The following BID variants were observed in gnomAD, a reference collection of about 807,000 sequenced individuals.
BID encodes BH3-interacting domain death agonist.
A neutral mutation model predicts 17.4 loss-of-function variants in BID; 19 were observed. That is an observed-to-expected ratio of 1.09 (90% CI 0.76 to 1.60). The LOEUF is 1.60. BID is among the 40% of genes most tolerant of loss of function. BID has a pLI of 0.00. For synonymous variants in BID, 108 were observed against 102.8 expected (o/e 1.05, Z -0.31); for missense variants, 226 against 256.0 (o/e 0.88, Z 0.80).
chr22:17,739,220 G>A lies in BID; in HGVS notation c.363+129C>T, dbSNP rs8190332. ...ACCATACCCTACGTCCAGTTACTTC[G>A]TCAGAGTTCTGGACCTGACAGTCAC... is the stretch of plus-strand genomic sequence containing the variant. On this transcript the variant is annotated intron_variant, in intron 4 of 5. Coordinates refer to ENST00000622694, the MANE Select transcript of BID (RefSeq NM_001196.4). 1.6e-3 allele frequency: 1,974 copies of A among 1,247,536 alleles called. 20 individuals carry two copies. In the African/African-American group the frequency reaches 0.023, roughly 15 times the overall value. 77.3% of individuals were successfully genotyped at this position (1,247,536 alleles called of 1,614,324 possible).
chr22:17,739,500 C>A lies in BID; in HGVS notation c.224-12G>T. 1.9e-6 allele frequency: 3 copies of A among 1,606,448 alleles called. No individual in the cohort carries two copies. The Middle Eastern group carries it at 5.0e-4, about 266-fold the overall frequency. ...TTGACTTTCAGAATCTGTGTTCAGG[C>A]AGGGGCGGCAGAGACAGAGCAGACT... On this transcript the variant is annotated splice_polypyrimidine_tract_variant and intron_variant, in intron 3 of 5. Transcript: ENST00000622694.
chr22:17,756,588 T>C (rs2061593171), intron 1 of BID, among the ~76,000 whole-genome samples: 1 of 151,112 alleles, frequency 6.6e-6, no homozygotes, highest in East Asian at 1.9e-4. Context: ...TTTTTTTTTC[T>C]TTTTTGAGAT....
rs889876224 is a variant in BID, at chr22:17,734,644, A to G, written c.*936T>C. On this transcript the variant is annotated 3_prime_UTR_variant, in exon 6 of 6. Transcript: ENST00000622694. Reference sequence around the variant, plus strand: ...AAGTCCAACTGCTCTTTCATCTTTTATGCTTAGAAACCTGTTCTCTCCAGA... The same window carrying G: ...AAGTCCAACTGCTCTTTCATCTTTTGTGCTTAGAAACCTGTTCTCTCCAGA... The G allele has an allele frequency of 2.6e-5, 4 of 152,216 alleles. No homozygotes were observed. The highest frequency in any genetic ancestry group is 9.6e-5 in the African/African-American group (4 of 41,456). 9.4% of individuals were successfully genotyped at this position (152,216 alleles called of 1,614,324 possible).
In BID at chr22:17,739,360, G is replaced by A. The variant is rs774106967; in HGVS notation, c.352C>T (p.Arg118Trp). Residue 118 changes from arginine (R) to tryptophan (W), a missense_variant, in exon 4 of 6, where the codon CGG becomes TGG. Transcript: ENST00000622694. Reference protein sequence around the residue: ...GLALQLRNTSRSEEDRNRDLA... With the variant: ...GLALQLRNTSWSEEDRNRDLA... ...AGGCCCTCACTCACCTCCTCCGACC[G>A]GCTGGTGTTCCTGAGCTGCAGGGCC... 7.7e-5 allele frequency: 123 copies of A among 1,595,986 alleles called. No homozygotes were observed. The highest frequency in any genetic ancestry group is 4.5e-4 in the East Asian group (20 of 44,588).
chr22:17,746,399 T>C (rs1459694051), intron 2 of BID, among the ~76,000 whole-genome samples: 1 of 152,244 alleles, frequency 6.6e-6, no homozygotes, highest in African/African-American at 2.4e-5. Context: ...TCTCCAAAGT[T>C]GTTTCTGAAG....
chr22:17,735,322 T>TG lies in BID; in HGVS notation c.*257dup. On this transcript the variant is annotated 3_prime_UTR_variant, in exon 6 of 6. Transcript: ENST00000622694. ...AAGGCACCGTGTGTAGATTTACAGA[T>TG]GTGCAGATTCATGTGTGGATGATAT... The TG allele has an allele frequency of 6.4e-6, 3 of 470,248 alleles. No individual in the cohort carries two copies. Among genetic ancestry groups the TG allele is most frequent in the South Asian group, 3.3e-5 (1 of 30,340 alleles). 29.1% of individuals were successfully genotyped at this position (470,248 alleles called of 1,614,324 possible). A position where few individuals can be genotyped will look rare whatever the true frequency, so the allele number is the denominator to read the frequency against.
intron 1 of BID, among the ~76,000 whole-genome samples, chr22:17,750,817 G>A (rs2061533063): frequency 1.3e-5 from 2 of 151,496 alleles, no homozygotes; most frequent in African/African-American, 4.9e-5. Context: ...GACAGAGCGA[G>A]ACTCCATCTC....
In BID at chr22:17,739,343, A is replaced by T. The variant is rs2061441501; in HGVS notation, c.363+6T>A. 2 of 1,582,364 alleles carry T rather than the reference A, an allele frequency of 1.3e-6. No homozygotes were observed. Among genetic ancestry groups the T allele is most frequent in the Non-Finnish European group, 1.7e-6 (2 of 1,166,808 alleles). ...CCGCCCACGCGGTCCTCAGGCCCTCACTCACCTCCTCCGACCGGCTGGTGT... is the reference window on the plus strand; with the variant it reads ...CCGCCCACGCGGTCCTCAGGCCCTCTCTCACCTCCTCCGACCGGCTGGTGT... On this transcript the variant is annotated splice_donor_region_variant and intron_variant, in intron 4 of 5. Transcript: ENST00000622694.
chr22:17,773,482 G>C lies in BID; in HGVS notation c.-59+899C>G. The C allele has an allele frequency of 3.2e-6, 3 of 947,618 alleles. No homozygotes were observed. Among genetic ancestry groups the C allele is most frequent in the Admixed American group, 2.0e-5 (1 of 50,242 alleles). The allele number at this position is 947,618 out of a possible 1,614,324, so 58.7% of individuals were successfully genotyped here. ...GACTGAGGGTGTGGATAAGGCTCCA[G>C]GAAGGGGGTGCAAGCCTGAGAAGGT... is the stretch of plus-strand genomic sequence containing the variant. On this transcript the variant is annotated intron_variant, in intron 1 of 5. Coordinates refer to ENST00000622694, the MANE Select transcript of BID (RefSeq NM_001196.4). This position sits in a 1 kb window ranked among gnomAD's most constrained non-coding sequence, Gnocchi z 4.4.
intron 2 of BID, among the ~76,000 whole-genome samples, chr22:17,746,856 G>T (rs1020399111): frequency 6.6e-6 from 1 of 152,136 alleles, no homozygotes; most frequent in Non-Finnish European, 1.5e-5. Flanking sequence ...CTCTAGAACC[G>T]GGAGGGGATC....
Position 17,748,516 on chromosome 22 carries a change from A to G in BID, c.12+1589T>C, listed in dbSNP as rs975850775. Among the ~76,000 whole-genome samples, 3 of 151,232 alleles carry G rather than the reference A, an allele frequency of 2.0e-5. No individual in the cohort carries two copies. The South Asian group carries it at 6.2e-4, about 31-fold the overall frequency. Reference sequence around the variant, plus strand: ...CAGAGACTCAATCTCAAAAAAAAAAATAAAAATAAAAAATAGAAGTATCTA... The same window carrying G: ...CAGAGACTCAATCTCAAAAAAAAAAGTAAAAATAAAAAATAGAAGTATCTA... On this transcript the variant is annotated intron_variant, in intron 2 of 5. Coordinates refer to ENST00000622694, the MANE Select transcript of BID (RefSeq NM_001196.4).
chr22:17,772,757 C>T (rs765462591), intron 1 of BID, among the ~76,000 whole-genome samples: 3 of 152,140 alleles, frequency 2.0e-5, no homozygotes, highest in Non-Finnish European at 2.9e-5. Flanking sequence ...AGCATCCTCA[C>T]GTCAGCCGAG....
intron 1 of BID, among the ~76,000 whole-genome samples, chr22:17,771,059 A>G (rs1458486312): frequency 3.3e-5 from 5 of 152,210 alleles, no homozygotes; most frequent in Non-Finnish European, 7.3e-5. Context: ...AAAAGTGACC[A>G]GCCCCCTTTC....
Position 17,756,492 on chromosome 22 carries a change from CTT to C in BID, c.-58-6320_-58-6319del, listed in dbSNP as rs1318455270. ...CTTTCTTTCTTTTCTTTCTTTCTTTCTTTCTCTCTCTCTTTCTGTCTGTCTCT... is the reference window on the plus strand; with the variant it reads ...CTTTCTTTCTTTTCTTTCTTTCTTTCTCTCTCTCTCTTTCTGTCTGTCTCT... On this transcript the variant is annotated intron_variant, in intron 1 of 5. Transcript: ENST00000622694. Among the ~76,000 whole-genome samples the C allele has an allele frequency of 4.7e-3, 634 of 133,808 alleles. 8 individuals carry two copies. The highest frequency in any genetic ancestry group is 0.017 in the African/African-American group (582 of 34,050). The allele number at this position is 133,808 out of a possible 152,430, so 87.8% of individuals were successfully genotyped here. A position where few individuals can be genotyped will look rare whatever the true frequency, so the allele number is the denominator to read the frequency against.
chr22:17,741,924 G>A (rs988286744), intron 3 of BID, among the ~76,000 whole-genome samples: 2 of 152,192 alleles, frequency 1.3e-5, no homozygotes, highest in African/African-American at 4.8e-5. Flanking sequence ...CTGCAGAGCA[G>A]AGCACCCAGC....
chr22:17,759,234 C>CAAAAAACAAAACAA (rs2061616565), intron 1 of BID, among the ~76,000 whole-genome samples: 3 of 29,236 alleles, frequency 1.0e-4, no homozygotes, highest in African/African-American at 5.2e-4. Flanking sequence ...CGTCTCAAAA[C>CAAAAAACAAAACAA]AAAAAACAAA....
intron 2 of BID, among the ~76,000 whole-genome samples, chr22:17,744,660 C>A (rs2061483810): frequency 6.6e-6 from 1 of 152,212 alleles, no homozygotes; most frequent in Non-Finnish European, 1.5e-5. Context: ...AGGGGCTGGG[C>A]TCTTGGCCGG....
rs117277763 is a variant in BID at position 17,739,855 on chromosome 22, C to T, written c.224-367G>A. 921 of 611,624 alleles carry T rather than the reference C, an allele frequency of 1.5e-3. 9 individuals are homozygous for T. The East Asian group carries it at 0.019, about 13-fold the overall frequency. 37.9% of individuals were successfully genotyped at this position (611,624 alleles called of 1,614,324 possible). A position where few individuals can be genotyped will look rare whatever the true frequency, so the allele number is the denominator to read the frequency against. On this transcript the variant is annotated intron_variant, in intron 3 of 5. Transcript: ENST00000622694. Reference sequence around the variant, plus strand: ...CAGGGTTGGCCTTGGCCTGGGCAGCCGTTGGGGAAGGGGCTCTGTGGGCAG... The same window carrying T: ...CAGGGTTGGCCTTGGCCTGGGCAGCTGTTGGGGAAGGGGCTCTGTGGGCAG...
chr22:17,744,849 G>A (rs529027469), intron 2 of BID, among the ~76,000 whole-genome samples: 2 of 152,314 alleles, frequency 1.3e-5, no homozygotes, highest in East Asian at 1.9e-4. Flanking sequence ...AGGTGGAAGA[G>A]AGAACAAAAC....
Sources: allele counts gnomAD v4.1 joint callset (sites outside exome capture counted in the v4.1 genomes callset), GRCh38; gene constraint gnomAD v4.1.1; non-coding constraint Gnocchi (gnomAD v3.1); transcripts MANE v1.5; gene names NCBI Gene and HGNC (gene_info 2026-07-23, HGNC 2026-07-21).